The following LRRC37B variants were observed in gnomAD, a reference collection of about 807,000 sequenced individuals.
LRRC37B encodes leucine rich repeat containing 37B, also known as leucine-rich repeat-containing protein 37B.
LRRC37B carries 28 observed loss-of-function variants against 98.3 expected under a neutral mutation model. That is an observed-to-expected ratio of 0.28 (90% CI 0.21 to 0.39). The LOEUF (loss-of-function observed/expected upper bound fraction) is 0.39, where lower values mean the gene tolerates loss of function less well. LRRC37B is among the 10% of genes least tolerant of loss of function. LRRC37B has a pLI of 1.00. For missense variants in LRRC37B, 938 were observed against 1,182.7 expected (o/e 0.79, Z 3.03); for synonymous variants, 364 against 442.7 (o/e 0.82, Z 2.23).
intron 2 of LRRC37B, among the ~76,000 whole-genome samples, chr17:32,027,330 C>T (rs143133717): frequency 0.099 from 14,943 of 151,366 alleles, 1,005 homozygotes; most frequent in Middle Eastern, 0.15. Context: ...TGTGTGTGTG[C>T]TTGCACGTGT....
intron 7 of LRRC37B, among the ~76,000 whole-genome samples, chr17:32,044,621 T>G (rs1006245511): frequency 9.2e-5 from 14 of 152,156 alleles, no homozygotes; most frequent in African/African-American, 3.4e-4. Flanking sequence ...GGCTCACACT[T>G]GTAATCCCAG....
At chr17:32,015,805 A>T (rs1910636850) in intron 1 of LRRC37B, among the ~76,000 whole-genome samples, 1 of 152,222 alleles carries the variant, frequency 6.6e-6, no homozygotes, top group Non-Finnish European at 1.5e-5. Flanking sequence ...AAAGGAGTCA[A>T]CAAATGAGCC....
exon 1 of LRRC37B, chr17:32,022,383 G>A (rs1213454348): frequency 1.9e-6 from 3 of 1,613,858 alleles, no homozygotes; most frequent in Non-Finnish European, 2.5e-6. Context: ...ACACCTGACT[G>A]AAGCCACAGT....
At chr17:32,020,990 G>A, upstream of LRRC37B, 1 of 1,511,478 alleles carries the variant, frequency 6.6e-7, no homozygotes, top group South Asian at 1.3e-5. Flanking sequence ...ACATAAGGTT[G>A]CCCTGGTAAC....
upstream of LRRC37B, among the ~76,000 whole-genome samples, chr17:32,016,266 C>A (rs145811170): frequency 1.7e-3 from 264 of 152,282 alleles, 3 homozygotes; most frequent in African/African-American, 6.1e-3. Context: ...AATAACCGAT[C>A]AGGTGGTCCA....
At chr17:32,031,284 G>T in intron 4 of LRRC37B, 94 bp from the exon 8 acceptor site, 1 of 1,539,078 alleles carries the variant, frequency 6.5e-7, no homozygotes, top group Non-Finnish European at 8.8e-7. Context: ...AAAAGATTGA[G>T]GTGATGTTCC....
intron 7 of LRRC37B, chr17:32,040,875 C>G: frequency 2.3e-6 from 2 of 860,566 alleles, no homozygotes; most frequent in East Asian, 4.8e-5. Flanking sequence ...TGAGAAAGAC[C>G]TGAAGGGGAT....
intron 7 of LRRC37B, among the ~76,000 whole-genome samples, chr17:32,039,667 A>G (rs1911370672): frequency 6.8e-6 from 1 of 146,626 alleles, no homozygotes; most frequent in Non-Finnish European, 1.5e-5. Flanking sequence ...CTGCAACTTA[A>G]ATTGTGCCAC....
exon 5 of LRRC37B, chr17:32,031,406 C>A: frequency 6.2e-7 from 1 of 1,610,878 alleles, no homozygotes; most frequent in South Asian, 1.1e-5. Flanking sequence ...AATTACAAAA[C>A]TGAGCCTTGG....
At chr17:32,022,851 C>T in intron 1 of LRRC37B, 26 bp downstream of exon 4, 1 of 1,603,530 alleles carries the variant, frequency 6.2e-7, no homozygotes, top group Non-Finnish European at 8.5e-7. Flanking sequence ...CCTCAATCAT[C>T]CTCTGTGTCT....
chr17:32,040,805 G>T lies in LRRC37B; in HGVS notation c.2205-4895G>T. 7.2e-6 allele frequency: 6 copies of T among 830,234 alleles called. 1 individual carries two copies. In the South Asian group the frequency reaches 8.1e-5, roughly 11 times the overall value. 51.4% of individuals were successfully genotyped at this position (830,234 alleles called of 1,614,324 possible). On this transcript the variant is annotated intron_variant, in intron 7 of 11. Transcript: ENST00000327564. ...AGTCCATGAAGCACCTGGCAGAGGT[G>T]AAGGACTCCCTGGACATAGAGGTCA...
exon 1 of LRRC37B, chr17:32,022,629 T>C (rs1483589493): frequency 6.2e-6 from 10 of 1,613,964 alleles, no homozygotes; most frequent in Non-Finnish European, 8.5e-6. Context: ...ACCTACAAAG[T>C]TAGAATCTTC....
intron 7 of LRRC37B, chr17:32,041,643 C>G (rs1272549908): frequency 6.5e-6 from 3 of 462,072 alleles, no homozygotes; most frequent in Non-Finnish European, 1.3e-5. Context: ...CGGCGCCACC[C>G]AGGCCCGGGC....
intron 1 of LRRC37B, among the ~76,000 whole-genome samples, chr17:32,014,730 A>G (rs1910613871): frequency 1.3e-5 from 2 of 150,704 alleles, no homozygotes. Context: ...AGATAGATAC[A>G]TATATCTATA....
exon 1 of LRRC37B, chr17:32,021,127 G>A (rs1325815860): frequency 6.2e-7 from 1 of 1,614,066 alleles, no homozygotes; most frequent in African/African-American, 1.3e-5. Flanking sequence ...TTTGCTGAGT[G>A]CATAGCACCA....
intron 4 of LRRC37B, 78 bp from the exon 8 acceptor site, chr17:32,031,300 A>G (rs1230366794): frequency 1.9e-6 from 3 of 1,559,232 alleles, no homozygotes; most frequent in East Asian, 2.3e-5. Context: ...GTTCCATCCT[A>G]TGTAAATTAG....
At chr17:32,028,825 C>G (rs1201759228) in intron 3 of LRRC37B, 4 of 129,354 alleles carry the variant, frequency 3.1e-5, no homozygotes, top group African/African-American at 8.9e-5. Flanking sequence ...TAGTGATGCT[C>G]TTTTGCAGAC....
intron 1 of LRRC37B, among the ~76,000 whole-genome samples, chr17:32,009,427 C>T (rs1910480151): frequency 6.6e-6 from 1 of 151,794 alleles, no homozygotes; most frequent in Non-Finnish European, 1.5e-5. Context: ...CCATACCTGG[C>T]TAGTTTTTTG....
exon 1 of LRRC37B, chr17:32,022,548 G>C: frequency 6.2e-7 from 1 of 1,613,866 alleles, no homozygotes; most frequent in Non-Finnish European, 8.5e-7. Flanking sequence ...CACAGCCCTG[G>C]AGAAGACTAG....
Sources: allele counts gnomAD v4.1 joint callset (sites outside exome capture counted in the v4.1 genomes callset), GRCh38; gene constraint gnomAD v4.1.1; transcripts MANE v1.5; gene names NCBI Gene and HGNC (gene_info 2026-07-23, HGNC 2026-07-21).